GALK2: variants seen among roughly 807,000 people sequenced by gnomAD.
The protein encoded by GALK2 is N-acetylgalactosamine kinase.
A neutral mutation model predicts 52.4 loss-of-function variants in GALK2; 36 were observed. That is an observed-to-expected ratio of 0.69 (90% CI 0.53 to 0.91). The LOEUF (loss-of-function observed/expected upper bound fraction) is 0.91. Ranked by LOEUF, GALK2 falls within the 40% of genes least tolerant of loss-of-function variation. GALK2 has a pLI of 0.00. For missense variants in GALK2, 579 were observed against 559.1 expected (o/e 1.04, Z -0.36); for synonymous variants, 176 against 199.1 (o/e 0.88, Z 0.98).
chr15:49,228,692 T>TTTTATTTA (rs2090326163), intron 3 of GALK2, among the ~76,000 whole-genome samples: 1 of 68,198 alleles, frequency 1.5e-5, no homozygotes, highest in African/African-American at 6.7e-5. Context: ...TATATATTTT[T>TTTTATTTA]TTTTTTTTTT....
intron 1 of GALK2, among the ~76,000 whole-genome samples, chr15:49,170,991 C>G (rs559723192): frequency 2.0e-5 from 3 of 151,968 alleles, no homozygotes; most frequent in East Asian, 1.9e-4. Context: ...CTGTCACCTG[C>G]TACATTAGCG....
chr15:49,278,796 G>A (rs192397487), intron 5 of GALK2, among the ~76,000 whole-genome samples: 1 of 152,296 alleles, frequency 6.6e-6, no homozygotes, highest in East Asian at 1.9e-4. Flanking sequence ...GTATTAGTCC[G>A]TTATCACACT....
At chr15:49,197,462 T>C (rs775411212) in intron 1 of GALK2, among the ~76,000 whole-genome samples, 116 of 152,324 alleles carry the variant, frequency 7.6e-4, no homozygotes, top group Admixed American at 1.7e-3. Context: ...TCAGATTTAT[T>C]GGATTTTGGA....
rs2036707047 is a variant in GALK2, at chr15:49,319,507, A to G, written c.968-97A>G. On this transcript the variant is annotated intron_variant, in intron 8 of 9. Transcript: ENST00000560031. ...ATTGAAGTTTAAGATACTGATAATG[A>G]AAACAGAAATGAAAGTCTTTAAAAG... 5 of 982,066 alleles carry G rather than the reference A, an allele frequency of 5.1e-6. No homozygotes were observed. The South Asian group carries it at 6.6e-5, about 13-fold the overall frequency. 60.8% of individuals were successfully genotyped at this position (982,066 alleles called of 1,614,324 possible). A position where few individuals can be genotyped will look rare whatever the true frequency, so the allele number is the denominator to read the frequency against.
At position 49,201,362 on chromosome 15, in the gene GALK2, A is replaced by G. The variant is rs1278551803; in HGVS notation, c.142+112A>G. ...TCCCAAAATAGAATATTTCACATGT[A>G]TCTACTAATAGTAAGATGTGCCTTT... On this transcript the variant is annotated intron_variant, in intron 2 of 9. Coordinates refer to ENST00000560031, the MANE Select transcript of GALK2 (RefSeq NM_002044.4). 8.4e-6 allele frequency: 5 copies of G among 593,146 alleles called. No individual in the cohort carries two copies. The East Asian group carries it at 8.7e-5, about 10-fold the overall frequency. The allele number at this position is 593,146 out of a possible 1,614,324, so 36.7% of individuals were successfully genotyped here. A position where few individuals can be genotyped will look rare whatever the true frequency, so the allele number is the denominator to read the frequency against.
chr15:49,309,045 C>T (rs535068649), intron 8 of GALK2, among the ~76,000 whole-genome samples: 12 of 152,270 alleles, frequency 7.9e-5, no homozygotes, highest in African/African-American at 2.6e-4. Context: ...GACAAGGGTA[C>T]TAGGCTTCTT....
chr15:49,192,485 G>GTGTGTATATATATATA (rs1360198549), intron 1 of GALK2, among the ~76,000 whole-genome samples: 2 of 102,972 alleles, frequency 1.9e-5, no homozygotes, highest in African/African-American at 8.1e-5. Flanking sequence ...ATATATATAT[G>GTGTGTATATATATATA]TATATATATA....
chr15:49,253,027 A>T lies in GALK2; in HGVS notation c.504+13660A>T, dbSNP rs954761553. The stretch of plus-strand genomic sequence containing the variant: ...TTTATCAATCATCTTATTACTTTAT[A>T]AGAACTCTTCATATGCTAACCATTC... On this transcript the variant is annotated intron_variant, in intron 5 of 9. Coordinates refer to ENST00000560031, the MANE Select transcript of GALK2 (RefSeq NM_002044.4). 4.1e-5 allele frequency among the ~76,000 whole-genome samples: 6 copies of T among 144,654 alleles called. 1 individual carries two copies. Among genetic ancestry groups the T allele is most frequent in the Non-Finnish European group, 9.3e-5 (6 of 64,358 alleles). 94.9% of individuals were successfully genotyped at this position (144,654 alleles called of 152,430 possible). A position where few individuals can be genotyped will look rare whatever the true frequency, so the allele number is the denominator to read the frequency against.
chr15:49,337,508 CTTTTT>C (rs33973907), intron 3 of GALK2, among the ~76,000 whole-genome samples: 4 of 36,080 alleles, frequency 1.1e-4, no homozygotes, highest in African/African-American at 3.7e-4. Flanking sequence ...CATTTACCCA[CTTTTT>C]TTTTTTTTTT....
intron 5 of GALK2, among the ~76,000 whole-genome samples, chr15:49,241,343 G>A (rs1228462889): frequency 3.9e-5 from 6 of 152,112 alleles, no homozygotes; most frequent in African/African-American, 1.4e-4. Context: ...CTAGGACAGA[G>A]CCCCAAGAAA....
At chr15:49,346,727 C>A (rs180946384) in intron 3 of GALK2, among the ~76,000 whole-genome samples, 16 of 152,204 alleles carry the variant, frequency 1.1e-4, no homozygotes, top group African/African-American at 3.9e-4. Context: ...GCCCATTATA[C>A]ACATAATGCT....
chr15:49,362,479 C>T (rs2044411208), intron 3 of GALK2, among the ~76,000 whole-genome samples: 2 of 151,454 alleles, frequency 1.3e-5, no homozygotes, highest in African/African-American at 4.8e-5. Flanking sequence ...TTCTTTATAG[C>T]AGCATGAAAA....
chr15:49,206,217 G>A (rs1287562052), intron 2 of GALK2, among the ~76,000 whole-genome samples: 3 of 151,386 alleles, frequency 2.0e-5, no homozygotes, highest in East Asian at 1.9e-4. Flanking sequence ...TGCTATGCAG[G>A]CTCTTTTTTG....
intron 5 of GALK2, among the ~76,000 whole-genome samples, chr15:49,272,977 C>T (rs565355783): frequency 6.6e-6 from 1 of 152,174 alleles, no homozygotes; most frequent in African/African-American, 2.4e-5. Context: ...TGTGCTTCTG[C>T]CCTCACTGAG....
intron 5 of GALK2, among the ~76,000 whole-genome samples, chr15:49,251,694 C>G (rs1306716899): frequency 6.6e-6 from 1 of 152,172 alleles, no homozygotes; most frequent in Non-Finnish European, 1.5e-5. Context: ...AACCATCATT[C>G]CACTCTGATT....
intron 1 of GALK2, among the ~76,000 whole-genome samples, chr15:49,196,433 AT>A (rs2087241790): frequency 6.6e-6 from 1 of 151,518 alleles, no homozygotes; most frequent in Non-Finnish European, 1.5e-5. Context: ...CCTTTTTGTT[AT>A]TTTTCTTGTT....
At chr15:49,171,372 G>A (rs1036087916) in intron 1 of GALK2, among the ~76,000 whole-genome samples, 1 of 152,124 alleles carries the variant, frequency 6.6e-6, no homozygotes, top group African/African-American at 2.4e-5. Flanking sequence ...GTGAGCCATC[G>A]CGCCCGGCCC....
chr15:49,303,034 T>A (rs1340058980), intron 8 of GALK2, among the ~76,000 whole-genome samples: 1 of 152,216 alleles, frequency 6.6e-6, no homozygotes, highest in Non-Finnish European at 1.5e-5. Flanking sequence ...TAGTCCTTTT[T>A]TCTTTCTCTC....
intron 1 of GALK2, among the ~76,000 whole-genome samples, chr15:49,163,918 C>A (rs1030066439): frequency 6.6e-6 from 1 of 152,042 alleles, no homozygotes; most frequent in African/African-American, 2.4e-5. Flanking sequence ...CCTTTCAGAC[C>A]AATCATCTTT....
Sources: allele counts gnomAD v4.1 joint callset (sites outside exome capture counted in the v4.1 genomes callset), GRCh38; gene constraint gnomAD v4.1.1; transcripts MANE v1.5; gene names NCBI Gene and HGNC (gene_info 2026-07-23, HGNC 2026-07-21).